The following LATS2 variants were observed in gnomAD, a reference collection of about 807,000 sequenced individuals.
LATS2 encodes the protein large tumor suppressor kinase 2.
LATS2 carries 24 observed loss-of-function variants against 76.0 expected under a neutral mutation model. The observed-to-expected ratio is 0.32, with a 90% CI of 0.23 to 0.44. The LOEUF (loss-of-function observed/expected upper bound fraction) is 0.44, where lower values mean the gene tolerates loss of function less well. Among genes scored for constraint, LATS2 ranks in the 20% least tolerant of loss-of-function variants. The pLI, the probability that LATS2 is intolerant of heterozygous loss-of-function variation, is 1.00. For missense variants in LATS2, 1,286 were observed against 1,481.2 expected (o/e 0.87, Z 2.16); for synonymous variants, 692 against 635.4 (o/e 1.09, Z -1.34).
At chr13:20,992,457 C>A (rs138236398) in intron 2 of LATS2, among the ~76,000 whole-genome samples, 8 of 152,168 alleles carry the variant, frequency 5.3e-5, no homozygotes, top group African/African-American at 1.4e-4. Flanking sequence ...AGCCCAGTGG[C>A]GCGGGGCGGT....
chr13:21,054,766 T>G (rs1464022422), intron 1 of LATS2, among the ~76,000 whole-genome samples: 1 of 152,236 alleles, frequency 6.6e-6, no homozygotes, highest in Non-Finnish European at 1.5e-5. Flanking sequence ...TTTTCTTTCT[T>G]TTTCCATTCC....
chr13:21,057,655 C>T (rs538410141), intron 1 of LATS2, among the ~76,000 whole-genome samples: 1 of 151,516 alleles, frequency 6.6e-6, no homozygotes, highest in African/African-American at 2.4e-5. Flanking sequence ...AAAAAATTAG[C>T]TGGGCATGGT....
rs141367030 is a variant in LATS2, at chr13:20,988,134, T to C, written c.1646A>G (p.Asn549Ser). 240 of 1,614,200 alleles carry C rather than the reference T, an allele frequency of 1.5e-4. 3 individuals are homozygous for C. The African/African-American group carries it at 2.5e-3, about 17-fold the overall frequency. Residue 549 changes from asparagine (N) to serine (S), a missense_variant, in exon 4 of 8, where the codon AAC (asparagine) becomes AGC (serine). Asn to Ser is a conservative substitution (Grantham distance 46). Transcript: ENST00000382592. The stretch of plus-strand genomic sequence containing the variant: ...GCTCTTGTCGCCGCCCTCGGGCTCG[T>C]TGGGGCCCGCACGGAGGCTCTGCTC... ...GMEQSLRAGP[N>S]EPEGGDKSRK...
At chr13:21,028,908 A>G (rs755249711) in intron 2 of LATS2, among the ~76,000 whole-genome samples, 4 of 152,190 alleles carry the variant, frequency 2.6e-5, no homozygotes, top group Non-Finnish European at 4.4e-5. Context: ...TTCACAAAAA[A>G]ACTACTGATT....
At chr13:21,054,413 G>GA (rs1873381823) in intron 1 of LATS2, among the ~76,000 whole-genome samples, 2 of 151,740 alleles carry the variant, frequency 1.3e-5, no homozygotes, top group South Asian at 2.1e-4. Context: ...ACCTCAAAAA[G>GA]AAAAAAAATT....
chr13:20,996,377 A>ATTTTTT (rs34278498), intron 2 of LATS2, among the ~76,000 whole-genome samples: 3 of 136,822 alleles, frequency 2.2e-5, no homozygotes, highest in Non-Finnish European at 4.7e-5. Flanking sequence ...GTGGTAGAAG[A>ATTTTTT]TTTTTTTTTT....
In LATS2 at chr13:20,988,990, G is replaced by A; in HGVS notation, c.790C>T (p.Pro264Ser). The change falls in exon 4 of 8, where the codon CCC (proline) becomes TCC (serine). Residue 264 changes from proline (P) to serine (S), a missense_variant. Physicochemically the swap from Pro to Ser is moderately conservative, Grantham distance 74. Coordinates refer to ENST00000382592, the MANE Select transcript of LATS2 (RefSeq NM_014572.3). ...GRPHLLVPGE[P>S]LGYGVQRSPS... ...CTGCGCTGCACTCCGTAGCCCAGGGGTTCCCCAGGCACCAGCAGGTGCGGC... is the reference window on the plus strand; with the variant it reads ...CTGCGCTGCACTCCGTAGCCCAGGGATTCCCCAGGCACCAGCAGGTGCGGC... 1.3e-6 allele frequency: 2 copies of A among 1,544,726 alleles called. No homozygotes were observed. Among genetic ancestry groups the A allele is most frequent in the Non-Finnish European group, 1.7e-6 (2 of 1,151,298 alleles).
At position 20,983,430 on chromosome 13, in the gene LATS2, C is replaced by A; in HGVS notation, c.2276G>T (p.Arg759Leu). The A allele has an allele frequency of 6.2e-7, 1 of 1,613,970 alleles. No homozygotes were observed. The highest frequency in any genetic ancestry group is 8.5e-7 in the Non-Finnish European group (1 of 1,180,000). The change falls in exon 5 of 8, where the codon CGG becomes CTG. Residue 759 changes from arginine to leucine, a missense_variant. Coordinates refer to ENST00000382592, the MANE Select transcript of LATS2 (RefSeq NM_014572.3). ...CAGGTGCTCAGGGAAGACCTCCATC[C>A]GGATCAGCAGGCTCATCATGTCCCC... ...PGGDMMSLLI[R>L]MEVFPEHLAR...
chr13:21,020,185 T>C (rs941189149), intron 2 of LATS2, among the ~76,000 whole-genome samples: 3 of 152,188 alleles, frequency 2.0e-5, no homozygotes, highest in South Asian at 2.1e-4. Flanking sequence ...CACTGTGACA[T>C]AGGGAAGCCT....
At chr13:21,040,298 A>C (rs1872824197) in intron 2 of LATS2, among the ~76,000 whole-genome samples, 1 of 151,364 alleles carries the variant, frequency 6.6e-6, no homozygotes. Context: ...GAGGCGGAGA[A>C]TTGCTTGAGC....
At chr13:21,049,261 G>T (rs1361477314) in intron 1 of LATS2, among the ~76,000 whole-genome samples, 1 of 152,192 alleles carries the variant, frequency 6.6e-6, no homozygotes, top group African/African-American at 2.4e-5. Flanking sequence ...CAGTGCAGAG[G>T]ATGGGCAGTC....
At chr13:20,985,686 C>T (rs1321788341) in intron 4 of LATS2, among the ~76,000 whole-genome samples, 2 of 151,890 alleles carry the variant, frequency 1.3e-5, no homozygotes, top group South Asian at 2.1e-4. Flanking sequence ...TGCAGTGAGC[C>T]GAGATTTCAC....
chr13:21,010,093 G>T (rs563949673), intron 2 of LATS2, among the ~76,000 whole-genome samples: 2 of 152,110 alleles, frequency 1.3e-5, no homozygotes, highest in South Asian at 4.2e-4. Context: ...CCAGCTACTC[G>T]GGAGGCTGAG....
chr13:21,007,632 A>AG (rs557071469), intron 2 of LATS2, among the ~76,000 whole-genome samples: 1 of 4,040 alleles, frequency 2.5e-4, no homozygotes, highest in Non-Finnish European at 3.8e-4. Flanking sequence ...GTGTATATAT[A>AG]TATATATATA....
intron 2 of LATS2, among the ~76,000 whole-genome samples, chr13:20,996,153 C>T (rs980422768): frequency 1.3e-5 from 2 of 152,276 alleles, no homozygotes; most frequent in East Asian, 3.9e-4. Flanking sequence ...AGATTTGGCA[C>T]AAGATACCTG....
chr13:21,052,364 T>A (rs1454079346), intron 1 of LATS2, among the ~76,000 whole-genome samples: 1 of 152,076 alleles, frequency 6.6e-6, no homozygotes, highest in Non-Finnish European at 1.5e-5. Flanking sequence ...TTTTTATTTA[T>A]TTATTTGGGA....
Position 20,988,893 on chromosome 13 carries a change from C to G in LATS2, c.887G>C (p.Gly296Ala). The change falls in exon 4 of 8, where the codon GGA becomes GCA. Residue 296 changes from glycine to alanine, a missense_variant. Physicochemically the swap from Gly to Ala is moderately conservative, Grantham distance 60. This residue lies in a region of LATS2 where 710 missense variants were observed against 660.9 expected (regional missense o/e 1.07). Coordinates refer to ENST00000382592, the MANE Select transcript of LATS2 (RefSeq NM_014572.3). ...GAAAGCGAGGCCGGCGCCTGGCGGT[C>G]CTCCCTGGCCCTTCGTGGGCAGGCT... ...YASLPTKGQG[G>A]PPGAGLAFPP... 1 of 1,534,394 alleles carries G rather than the reference C, an allele frequency of 6.5e-7. No homozygotes were observed. The highest frequency in any genetic ancestry group is 2.4e-5 in the East Asian group (1 of 41,816).
At chr13:21,030,874 C>T (rs1247879553) in intron 2 of LATS2, among the ~76,000 whole-genome samples, 1 of 151,996 alleles carries the variant, frequency 6.6e-6, no homozygotes, top group Non-Finnish European at 1.5e-5. Flanking sequence ...CATACACCCA[C>T]CCCTTTAATA....
rs1378610985 is a variant in LATS2 at position 20,974,241 on chromosome 13, G to A, written c.*629C>T. The A allele has an allele frequency of 1.4e-5, 3 of 220,730 alleles. No individual in the cohort carries two copies. Among genetic ancestry groups the A allele is most frequent in the East Asian group, 6.7e-5 (1 of 14,886 alleles). 13.7% of individuals were successfully genotyped at this position (220,730 alleles called of 1,614,324 possible). ...CAGTACTCTCCACACACCAGACGTC[G>A]GAAATCACAGCCACATCATCACCTT... On this transcript the variant is annotated 3_prime_UTR_variant, in exon 8 of 8. Coordinates refer to ENST00000382592, the MANE Select transcript of LATS2 (RefSeq NM_014572.3).
Sources: allele counts gnomAD v4.1 joint callset (sites outside exome capture counted in the v4.1 genomes callset), GRCh38; gene constraint gnomAD v4.1.1; regional missense constraint gnomAD v4.1.1; transcripts MANE v1.5; gene names NCBI Gene and HGNC (gene_info 2026-07-23, HGNC 2026-07-21).